CNTN4: variants seen among roughly 807,000 people sequenced by gnomAD.
CNTN4 encodes contactin 4.
Under a neutral mutation model 122.5 loss-of-function variants are expected in CNTN4, and 77 were observed. The observed-to-expected ratio is 0.63, with a 90% CI of 0.52 to 0.76. CNTN4 has a LOEUF of 0.76. Among genes scored for constraint, CNTN4 ranks in the 30% least tolerant of loss-of-function variants. CNTN4 has a pLI of 0.00. For missense variants in CNTN4, 1,256 were observed against 1,259.1 expected, an observed-to-expected ratio of 1.00 and a Z score of 0.04; for synonymous variants, 512 against 447.0, an observed-to-expected ratio of 1.15 and a Z score of -1.83.
At chr3:2,457,125 C>T (rs1031457153) in intron 3 of CNTN4, among the ~76,000 whole-genome samples, 1 of 152,136 alleles carries the variant, frequency 6.6e-6, no homozygotes, top group Non-Finnish European at 1.5e-5. Context: ...CAGCTTCAGA[C>T]TTGACACCTA....
intron 2 of CNTN4, among the ~76,000 whole-genome samples, chr3:2,178,870 C>A (rs2036876564): frequency 6.6e-6 from 1 of 151,840 alleles, no homozygotes; most frequent in Non-Finnish European, 1.5e-5. Flanking sequence ...GTAGACTAAC[C>A]CAAAATAGGC....
At position 2,840,657 on chromosome 3, in the gene CNTN4, C is replaced by G. The variant is rs557350994; in HGVS notation, c.454+21076C>G. ...GAGCTTGCAGTGAGCCAAGATCACA[C>G]CACTGCACTCCAGCCTGGGCGACAG... is the stretch of plus-strand genomic sequence containing the variant. On this transcript the variant is annotated intron_variant, in intron 7 of 24. Coordinates refer to ENST00000418658, the MANE Select transcript of CNTN4 (RefSeq NM_175607.3). Among the ~76,000 whole-genome samples the G allele has an allele frequency of 2.4e-3, 356 of 147,560 alleles. 12 individuals carry two copies. The highest frequency in any genetic ancestry group is 8.0e-3 in the African/African-American group (322 of 40,466).
chr3:2,338,638 GT>G (rs1183394754), intron 2 of CNTN4, among the ~76,000 whole-genome samples: 1 of 151,800 alleles, frequency 6.6e-6, no homozygotes, highest in African/African-American at 2.4e-5. Flanking sequence ...AATAAATTTA[GT>G]TCTTCAGGGA....
At chr3:2,482,943 C>G (rs1030731460) in intron 3 of CNTN4, among the ~76,000 whole-genome samples, 1 of 152,208 alleles carries the variant, frequency 6.6e-6, no homozygotes, top group Non-Finnish European at 1.5e-5. Flanking sequence ...AGGCCCCACA[C>G]TGAGTCCCCA....
chr3:2,649,875 T>TA (rs1357959997), intron 4 of CNTN4, among the ~76,000 whole-genome samples: 1 of 151,866 alleles, frequency 6.6e-6, no homozygotes, highest in Non-Finnish European at 1.5e-5. Context: ...ATACCTGTAA[T>TA]ACTAGCACTT....
chr3:2,403,062 C>T (rs541718980), intron 3 of CNTN4, among the ~76,000 whole-genome samples: 2 of 152,070 alleles, frequency 1.3e-5, no homozygotes, highest in South Asian at 4.1e-4. Flanking sequence ...CTGTCCCATG[C>T]CTTTCTTCTA....
At chr3:2,252,668 T>C (rs1446388605) in intron 2 of CNTN4, among the ~76,000 whole-genome samples, 1 of 152,108 alleles carries the variant, frequency 6.6e-6, no homozygotes, top group Non-Finnish European at 1.5e-5. Flanking sequence ...TCCTGTCTAC[T>C]ATGAAACTTA....
intron 10 of CNTN4, among the ~76,000 whole-genome samples, chr3:2,894,239 C>T (rs1292183470): frequency 6.6e-6 from 1 of 152,126 alleles, no homozygotes; most frequent in Non-Finnish European, 1.5e-5. Flanking sequence ...TGGTCTGACA[C>T]ATATATAATT....
At chr3:2,983,498 G>A (rs1423764478) in intron 13 of CNTN4, among the ~76,000 whole-genome samples, 1 of 152,042 alleles carries the variant, frequency 6.6e-6, no homozygotes, top group Admixed American at 6.6e-5. Flanking sequence ...AGAACATGTG[G>A]CTAACTCTGG....
intron 4 of CNTN4, among the ~76,000 whole-genome samples, chr3:2,616,976 A>G (rs962862466): frequency 6.6e-6 from 1 of 152,176 alleles, no homozygotes; most frequent in Non-Finnish European, 1.5e-5. Flanking sequence ...CTTACACCTT[A>G]TACGAAAATT....
chr3:2,770,751 G>C (rs1447775199), intron 6 of CNTN4, among the ~76,000 whole-genome samples: 1 of 152,180 alleles, frequency 6.6e-6, no homozygotes, highest in East Asian at 1.9e-4. Flanking sequence ...TGACGCAGTG[G>C]GAATAGCAAG....
chr3:2,099,666 GTC>G (rs2031726391), intron 1 of CNTN4: 1 of 152,306 alleles, frequency 6.6e-6, no homozygotes, highest in Non-Finnish European at 1.5e-5. Flanking sequence ...GGCTTCCCCA[GTC>G]TCTGCCGCGG....
At chr3:2,938,078 G>A (rs561693821) in intron 13 of CNTN4, among the ~76,000 whole-genome samples, 10 of 152,262 alleles carry the variant, frequency 6.6e-5, no homozygotes, top group African/African-American at 1.7e-4. Context: ...CCAGAAACAC[G>A]GTGAGTCAGC....
At chr3:2,788,973 T>C (rs888819432) in intron 6 of CNTN4, among the ~76,000 whole-genome samples, 2 of 152,102 alleles carry the variant, frequency 1.3e-5, no homozygotes, top group Non-Finnish European at 2.9e-5. Context: ...CTATCTGTCT[T>C]TTTTTTTCTC....
chr3:2,264,826 C>G (rs989171569), intron 2 of CNTN4, among the ~76,000 whole-genome samples: 1 of 151,986 alleles, frequency 6.6e-6, no homozygotes, highest in Non-Finnish European at 1.5e-5. Flanking sequence ...TAGTTTCATT[C>G]TCCTGTATAT....
At chr3:2,712,453 A>G (rs1576540578) in intron 4 of CNTN4, among the ~76,000 whole-genome samples, 1 of 152,196 alleles carries the variant, frequency 6.6e-6, no homozygotes, top group Admixed American at 6.5e-5. Flanking sequence ...AGGGTTCATG[A>G]TTAAGATCCC....
intron 4 of CNTN4, among the ~76,000 whole-genome samples, chr3:2,580,683 T>G (rs995191805): frequency 1.3e-5 from 2 of 152,324 alleles, no homozygotes; most frequent in East Asian, 1.9e-4. Context: ...ATAAAGTATT[T>G]GCTTAACAGT....
intron 10 of CNTN4, among the ~76,000 whole-genome samples, chr3:2,895,062 C>T (rs924484974): frequency 4.6e-5 from 7 of 152,060 alleles, no homozygotes; most frequent in African/African-American, 1.4e-4. Flanking sequence ...TACAGTGGTA[C>T]GATCTCAGCT....
chr3:2,669,450 T>A (rs1232260158), intron 4 of CNTN4, among the ~76,000 whole-genome samples: 2 of 152,214 alleles, frequency 1.3e-5, no homozygotes, highest in Non-Finnish European at 2.9e-5. Flanking sequence ...CCCTTTGTCA[T>A]TTTTTATTGC....
Sources: gnomAD v4.1 joint callset for allele counts (sites outside exome capture counted in the v4.1 genomes callset) on GRCh38, gnomAD v4.1.1 for gene constraint, MANE v1.5 for transcripts, NCBI Gene and HGNC (gene_info 2026-07-23, HGNC 2026-07-21) for gene names.